The following SPAG16 variants were observed in gnomAD, a reference collection of about 807,000 sequenced individuals.
The protein encoded by SPAG16 is sperm associated antigen 16, also known as sperm-associated antigen 16 protein.
In SPAG16, 86 loss-of-function variants were observed where a neutral mutation model predicts 80.4. The observed-to-expected ratio is 1.07, with a 90% CI of 0.90 to 1.28. The LOEUF (loss-of-function observed/expected upper bound fraction) is 1.28. Among genes scored for constraint, SPAG16 ranks in the 50% most tolerant of loss-of-function variants. The pLI, the probability that SPAG16 is intolerant of heterozygous loss-of-function variation, is 0.00. For synonymous variants in SPAG16, 294 were observed against 265.9 expected (o/e 1.11, Z -1.03); for missense variants, 870 against 765.3 (o/e 1.14, Z -1.61).
At chr2:213,365,611 C>A (rs1192841457) in intron 8 of SPAG16, among the ~76,000 whole-genome samples, 1 of 151,048 alleles carries the variant, frequency 6.6e-6, no homozygotes, top group African/African-American at 2.5e-5. Flanking sequence ...GCATGTGCCA[C>A]CATGACTGGC....
At chr2:214,361,808 A>G (rs949516594) in intron 15 of SPAG16, among the ~76,000 whole-genome samples, 1 of 151,862 alleles carries the variant, frequency 6.6e-6, no homozygotes, top group Non-Finnish European at 1.5e-5. Flanking sequence ...TATTTACTTC[A>G]CCTGTTTCCA....
At chr2:213,720,019 G>T (rs537192594) in intron 10 of SPAG16, among the ~76,000 whole-genome samples, 5 of 152,280 alleles carry the variant, frequency 3.3e-5, no homozygotes, top group African/African-American at 1.2e-4. Flanking sequence ...AAAAAAGGAT[G>T]AGTTCATGTC....
chr2:213,723,690 A>C (rs1057458522), intron 10 of SPAG16, among the ~76,000 whole-genome samples: 2 of 152,222 alleles, frequency 1.3e-5, no homozygotes, highest in Non-Finnish European at 2.9e-5. Flanking sequence ...AGATCACCTC[A>C]GCTAATAGAG....
intron 9 of SPAG16, among the ~76,000 whole-genome samples, chr2:213,484,003 G>A (rs2073866937): frequency 6.6e-6 from 1 of 152,124 alleles, no homozygotes. Flanking sequence ...AAGAAGTTTA[G>A]TCAAGAAATA....
intron 10 of SPAG16, among the ~76,000 whole-genome samples, chr2:213,584,016 C>T (rs73083245): frequency 0.026 from 3,916 of 152,252 alleles, 162 homozygotes; most frequent in African/African-American, 0.088. Context: ...CATGGACTAA[C>T]CTTTGTAGAA....
At chr2:213,479,759 T>C (rs946648401) in intron 9 of SPAG16, among the ~76,000 whole-genome samples, 1 of 152,228 alleles carries the variant, frequency 6.6e-6, no homozygotes, top group Non-Finnish European at 1.5e-5. Context: ...CATTGGCATT[T>C]ATCTTCATAT....
At chr2:214,058,966 C>T (rs1356298966) in intron 13 of SPAG16, among the ~76,000 whole-genome samples, 1 of 151,762 alleles carries the variant, frequency 6.6e-6, no homozygotes, top group Non-Finnish European at 1.5e-5. Context: ...GATCACAGTC[C>T]TTTTCTCTAA....
chr2:214,015,208 G>T (rs2047524106), intron 13 of SPAG16, among the ~76,000 whole-genome samples: 1 of 152,178 alleles, frequency 6.6e-6, no homozygotes, highest in Non-Finnish European at 1.5e-5. Flanking sequence ...TCCATGGACT[G>T]GCCAGACCCA....
chr2:213,731,210 G>A lies in SPAG16; in HGVS notation c.1071-131275G>A, dbSNP rs111848405. On this transcript the variant is annotated intron_variant, in intron 10 of 15. Coordinates refer to ENST00000331683, the MANE Select transcript of SPAG16 (RefSeq NM_024532.5). Reference sequence around the variant, plus strand: ...TTGCTCTTGTTGCCCAGGCTGGAGTGTAGTGGCGCGATCTCAGCTCACTGC... The same window carrying A: ...TTGCTCTTGTTGCCCAGGCTGGAGTATAGTGGCGCGATCTCAGCTCACTGC... Among the ~76,000 whole-genome samples, 623 of 136,252 alleles carry A rather than the reference G, an allele frequency of 4.6e-3. 4 individuals carry two copies. The highest frequency in any genetic ancestry group is 9.3e-3 in the Middle Eastern group (2 of 214). The allele number at this position is 136,252 out of a possible 152,430, so 89.4% of individuals were successfully genotyped here.
intron 9 of SPAG16, among the ~76,000 whole-genome samples, chr2:213,415,438 T>A (rs1575531985): frequency 6.6e-6 from 1 of 152,140 alleles, no homozygotes; most frequent in Non-Finnish European, 1.5e-5. Flanking sequence ...GAAAAAACAA[T>A]TGAAGTGGAA....
chr2:214,349,873 T>C (rs1316318343), intron 15 of SPAG16, among the ~76,000 whole-genome samples: 3 of 152,252 alleles, frequency 2.0e-5, no homozygotes, highest in Non-Finnish European at 2.9e-5. Context: ...TTTGTGTATC[T>C]ATCTTTATGA....
intron 10 of SPAG16, among the ~76,000 whole-genome samples, chr2:213,556,274 A>G (rs2059418948): frequency 6.8e-6 from 1 of 147,416 alleles, no homozygotes; most frequent in Non-Finnish European, 1.5e-5. Flanking sequence ...TCCAGTCAAA[A>G]GATGTAAGGG....
At chr2:213,632,631 T>C (rs1369859110) in intron 10 of SPAG16, among the ~76,000 whole-genome samples, 4 of 152,176 alleles carry the variant, frequency 2.6e-5, no homozygotes, top group Non-Finnish European at 5.9e-5. Flanking sequence ...TTTATTATGT[T>C]GAGGTATATT....
intron 15 of SPAG16, among the ~76,000 whole-genome samples, chr2:214,166,595 T>A (rs1380569908): frequency 6.6e-6 from 1 of 152,278 alleles, no homozygotes; most frequent in Admixed American, 6.5e-5. Context: ...TTTCCTTAAT[T>A]TATTCCTCTA....
At chr2:214,159,281 G>A (rs1314172569) in intron 15 of SPAG16, among the ~76,000 whole-genome samples, 1 of 151,980 alleles carries the variant, frequency 6.6e-6, no homozygotes, top group Admixed American at 6.6e-5. Context: ...TTACATTTAA[G>A]AGGAATGTGT....
intron 14 of SPAG16, among the ~76,000 whole-genome samples, chr2:214,145,281 T>G (rs909317230): frequency 2.6e-5 from 4 of 152,134 alleles, no homozygotes; most frequent in South Asian, 2.1e-4. Context: ...AACAGTTGCC[T>G]CAAGCAGTTT....
chr2:214,035,828 C>T (rs894151052), intron 13 of SPAG16, among the ~76,000 whole-genome samples: 14 of 152,164 alleles, frequency 9.2e-5, no homozygotes, highest in South Asian at 4.1e-4. Context: ...CCAGGGAGCA[C>T]GAAGTTCCTG....
chr2:214,059,186 C>CTATA (rs36006046), intron 13 of SPAG16, among the ~76,000 whole-genome samples: 6,853 of 113,844 alleles, frequency 0.06, 228 homozygotes, highest in South Asian at 0.12. Flanking sequence ...CTCTCTCTGT[C>CTATA]TATATATATA....
At chr2:214,111,376 A>G (rs1348221927) in intron 14 of SPAG16, among the ~76,000 whole-genome samples, 1 of 152,156 alleles carries the variant, frequency 6.6e-6, no homozygotes, top group African/African-American at 2.4e-5. Flanking sequence ...AGCACCACTT[A>G]TTAAATAGGG....
Sources: allele counts gnomAD v4.1 joint callset (sites outside exome capture counted in the v4.1 genomes callset), GRCh38; gene constraint gnomAD v4.1.1; transcripts MANE v1.5; gene names NCBI Gene and HGNC (gene_info 2026-07-23, HGNC 2026-07-21).